The following RALGPS2 variants were observed in gnomAD, a reference collection of about 807,000 sequenced individuals.
RALGPS2 encodes Ral GEF with PH domain and SH3 binding motif 2.
A neutral mutation model predicts 86.8 loss-of-function variants in RALGPS2; 43 were observed. The observed-to-expected ratio is 0.50, with a 90% CI of 0.39 to 0.64. The LOEUF is 0.64. RALGPS2 is among the 30% of genes least tolerant of loss of function. The pLI is 0.00. For synonymous variants in RALGPS2, 243 were observed against 231.3 expected, an observed-to-expected ratio of 1.05 and a Z score of -0.46; for missense variants, 536 against 694.6, an observed-to-expected ratio of 0.77 and a Z score of 2.57.
rs557955097 is a variant in RALGPS2, at chr1:178,852,532, G to T, written c.607+18982G>T. ...TTGCCTTATAGAAGAAATCCTAAAA[G>T]CTATTTCTTTCAGTAGGTTGGTTGT... On this transcript the variant is annotated intron_variant, in intron 8 of 19. Transcript: ENST00000367635. 18 of 716,306 alleles carry T rather than the reference G, an allele frequency of 2.5e-5. No homozygotes were observed. The African/African-American group carries it at 2.8e-4, about 11-fold the overall frequency. 44.4% of individuals were successfully genotyped at this position (716,306 alleles called of 1,614,324 possible).
At chr1:178,911,618 G>A (rs766081785) in intron 19 of RALGPS2, among the ~76,000 whole-genome samples, 2 of 152,172 alleles carry the variant, frequency 1.3e-5, no homozygotes, top group African/African-American at 4.8e-5. Context: ...GTTGGCACTT[G>A]CTTTATGCCC....
At chr1:178,750,166 C>G (rs1326371139) in intron 1 of RALGPS2, among the ~76,000 whole-genome samples, 1 of 152,098 alleles carries the variant, frequency 6.6e-6, no homozygotes, top group African/African-American at 2.4e-5. Context: ...CATTTTTGTT[C>G]TAGGCGAGAG....
At chr1:178,766,128 T>C (rs1321853245) in intron 1 of RALGPS2, among the ~76,000 whole-genome samples, 1 of 152,216 alleles carries the variant, frequency 6.6e-6, no homozygotes, top group Admixed American at 6.5e-5. Flanking sequence ...CTTCACAGTT[T>C]ATGTTCAGAG....
In RALGPS2 at chr1:178,901,532, A is replaced by C. The variant is rs1256620829; in HGVS notation, c.1525-574A>C. Among the ~76,000 whole-genome samples the C allele has an allele frequency of 3.3e-5, 5 of 152,184 alleles. No homozygotes were observed. The East Asian group carries it at 9.6e-4, about 29-fold the overall frequency. On this transcript the variant is annotated intron_variant, in intron 17 of 19. Transcript: ENST00000367635. ...AAGTTGTAGCTAAAATAATAATAAA[A>C]GAATGGTTAACTACAAAAGTAATAG...
intron 8 of RALGPS2, among the ~76,000 whole-genome samples, chr1:178,856,674 A>G (rs1280130949): frequency 6.6e-6 from 1 of 151,864 alleles, no homozygotes; most frequent in Non-Finnish European, 1.5e-5. Flanking sequence ...ATCATCGGTA[A>G]TTGTTAGTTA....
At chr1:178,753,248 A>G (rs892305506) in intron 1 of RALGPS2, among the ~76,000 whole-genome samples, 1 of 152,162 alleles carries the variant, frequency 6.6e-6, no homozygotes, top group Non-Finnish European at 1.5e-5. Context: ...CTGCCTTCGT[A>G]TTCTTTCATT....
chr1:178,726,998 A>G (rs1053247694), intron 1 of RALGPS2, among the ~76,000 whole-genome samples: 1 of 152,230 alleles, frequency 6.6e-6, no homozygotes, highest in African/African-American at 2.4e-5. Flanking sequence ...GAGCATCCAA[A>G]CAGTATTATT....
intron 4 of RALGPS2, among the ~76,000 whole-genome samples, chr1:178,806,827 C>G (rs969030717): frequency 1.3e-5 from 2 of 152,052 alleles, no homozygotes; most frequent in Non-Finnish European, 2.9e-5. Context: ...GTGGTTCTCT[C>G]TCTCCCTGGC....
intron 5 of RALGPS2, among the ~76,000 whole-genome samples, chr1:178,810,308 G>A (rs1211372337): frequency 6.6e-6 from 1 of 152,018 alleles, no homozygotes; most frequent in East Asian, 1.9e-4. Context: ...AATCACTTGA[G>A]CCTGGGAGGC....
intron 8 of RALGPS2, among the ~76,000 whole-genome samples, chr1:178,872,636 G>A (rs1027630017): frequency 3.9e-5 from 6 of 152,180 alleles, no homozygotes; most frequent in Non-Finnish European, 5.9e-5. Context: ...TTTGTATTAT[G>A]TATCGTTTCT....
At chr1:178,735,922 C>G (rs867243655) in intron 1 of RALGPS2, among the ~76,000 whole-genome samples, 15 of 151,970 alleles carry the variant, frequency 9.9e-5, no homozygotes, top group Middle Eastern at 3.4e-3. Flanking sequence ...TAGGTTGTTT[C>G]TTTTAGATAG....
rs139527068 is a variant in RALGPS2 at position 178,765,243 on chromosome 1, A to G, written c.-83-11439A>G. Among the ~76,000 whole-genome samples, 602 of 151,942 alleles carry G rather than the reference A, an allele frequency of 4.0e-3. 5 individuals are homozygous for G. Among genetic ancestry groups the G allele is most frequent in the African/African-American group, 0.012 (502 of 41,422 alleles). On this transcript the variant is annotated intron_variant, in intron 1 of 19. Coordinates refer to ENST00000367635, the MANE Select transcript of RALGPS2 (RefSeq NM_152663.5). ...AGTATCGGGGGAATTTCAGCCCCCA[A>G]TATTTCACGTGGGTCCTTTTCTATT... is the stretch of plus-strand genomic sequence containing the variant.
At chr1:178,860,645 A>C (rs971152657) in intron 8 of RALGPS2, among the ~76,000 whole-genome samples, 2 of 152,196 alleles carry the variant, frequency 1.3e-5, no homozygotes, top group Non-Finnish European at 2.9e-5. Context: ...CTTTCTGTCT[A>C]TGAATTTGAC....
chr1:178,853,046 A>ATACTGG lies in RALGPS2; in HGVS notation c.607+19497_607+19502dup, dbSNP rs1657289807. The ATACTGG allele has an allele frequency of 4.0e-6, 6 of 1,485,014 alleles. No individual in the cohort carries two copies. In the Admixed American group the frequency reaches 1.4e-4, roughly 34 times the overall value. 92.0% of individuals were successfully genotyped at this position (1,485,014 alleles called of 1,614,324 possible). ...GTGTTAAACATTCGATAGCATAAAG[A>ATACTGG]TACTGGCCATTTAAGTGGTAATGTG... On this transcript the variant is annotated intron_variant, in intron 8 of 19. Transcript: ENST00000367635.
Position 178,916,458 on chromosome 1 carries a change from C to A in RALGPS2, c.*99C>A. The A allele has an allele frequency of 1.7e-6, 2 of 1,144,672 alleles. No homozygotes were observed. Among genetic ancestry groups the A allele is most frequent in the Non-Finnish European group, 2.5e-6 (2 of 800,864 alleles). 70.9% of individuals were successfully genotyped at this position (1,144,672 alleles called of 1,614,324 possible). A position where few individuals can be genotyped will look rare whatever the true frequency, so the allele number is the denominator to read the frequency against. On this transcript the variant is annotated 3_prime_UTR_variant, in exon 20 of 20. Transcript: ENST00000367635. Reference sequence around the variant, plus strand: ...ATAAACCATCCTGTGCCAGGAAGAGCCCAGAGGCTCTGTCTCAGTCGTTGG... The same window carrying A: ...ATAAACCATCCTGTGCCAGGAAGAGACCAGAGGCTCTGTCTCAGTCGTTGG...
chr1:178,801,481 A>C (rs1196254951), intron 4 of RALGPS2, among the ~76,000 whole-genome samples: 1 of 152,162 alleles, frequency 6.6e-6, no homozygotes, highest in Non-Finnish European at 1.5e-5. Context: ...TATCGTGATA[A>C]ATAAGGAAGC....
intron 1 of RALGPS2, among the ~76,000 whole-genome samples, chr1:178,750,216 A>T (rs555473402): frequency 1.3e-5 from 2 of 151,676 alleles, no homozygotes; most frequent in South Asian, 4.2e-4. Flanking sequence ...AGTAAATTAA[A>T]ATCTACACTT....
chr1:178,730,770 C>T (rs564420918), intron 1 of RALGPS2, among the ~76,000 whole-genome samples: 69 of 150,872 alleles, frequency 4.6e-4, no homozygotes, highest in African/African-American at 1.5e-3. Flanking sequence ...GGCGTGATCT[C>T]GGCTCACCAC....
chr1:178,743,948 C>A (rs1290131429), intron 1 of RALGPS2, among the ~76,000 whole-genome samples: 2 of 152,078 alleles, frequency 1.3e-5, no homozygotes, highest in African/African-American at 4.8e-5. Context: ...AGAATTAAGA[C>A]CAGTTCTATA....
Sources: allele counts gnomAD v4.1 joint callset (sites outside exome capture counted in the v4.1 genomes callset), GRCh38; gene constraint gnomAD v4.1.1; transcripts MANE v1.5; gene names NCBI Gene and HGNC (gene_info 2026-07-23, HGNC 2026-07-21).